Variants in RANBP3 observed in about 807,000 individuals in gnomAD.
RANBP3 encodes ran-binding protein 3.
In RANBP3, 14 loss-of-function variants were observed where a neutral mutation model predicts 77.3. The observed-to-expected ratio is 0.18, with a 90% CI of 0.12 to 0.28. The LOEUF is 0.28. Ranked by LOEUF, RANBP3 falls within the 10% of genes least tolerant of loss-of-function variation. The probability of loss-of-function intolerance (pLI) is 1.00; values close to 1 mark genes in which losing one functional copy is unlikely to be tolerated. For missense variants in RANBP3, 586 were observed against 752.3 expected (o/e 0.78, Z 2.59); for synonymous variants, 315 against 312.4 (o/e 1.01, Z -0.09).
At position 5,964,167 on chromosome 19, in the gene RANBP3, TGTCCTG is replaced by T. The variant is rs2058436523; in HGVS notation, c.23-6200_23-6195del. 2.0e-5 allele frequency among the ~76,000 whole-genome samples: 3 copies of T among 152,316 alleles called. No individual in the cohort carries two copies. The South Asian group carries it at 6.2e-4, about 32-fold the overall frequency. ...CTGGGATTCCCCAGGACAGGGCCGGTGTCCTGGTCCTGGTCTTTGCAGCCCCAGCGA... is the reference window on the plus strand; with the variant it reads ...CTGGGATTCCCCAGGACAGGGCCGGTGTCCTGGTCTTTGCAGCCCCAGCGA... On this transcript the variant is annotated intron_variant, in intron 1 of 16. Coordinates refer to ENST00000340578, the MANE Select transcript of RANBP3 (RefSeq NM_007322.3).
chr19:5,951,251 A>G (rs1450145429), intron 3 of RANBP3, 142 bp downstream of exon 3: 1 of 834,216 alleles, frequency 1.2e-6, no homozygotes, highest in Non-Finnish European at 2.0e-6. Context: ...AGCGAGCTGG[A>G]AGAAATCCTT....
At chr19:5,950,628 C>T (rs1448622047) in intron 3 of RANBP3, 1 of 152,180 alleles carries the variant, frequency 6.6e-6, no homozygotes, top group Non-Finnish European at 1.5e-5. Flanking sequence ...TGTTAAGAGT[C>T]CTTTTTCCCT....
At chr19:5,977,129 C>T (rs2058601716) in intron 1 of RANBP3, among the ~76,000 whole-genome samples, 1 of 152,204 alleles carries the variant, frequency 6.6e-6, no homozygotes. Flanking sequence ...GAAAACCCTC[C>T]AGTCACAGGG....
At position 5,974,168 on chromosome 19, in the gene RANBP3, G is replaced by A. The variant is rs116702281; in HGVS notation, c.22+3893C>T. ...ACCGTGCTGCTAAGGATCCTGCAAC[G>A]CACAGGACAGCCCCTCCCGCCAAAG... is the stretch of plus-strand genomic sequence containing the variant. On this transcript the variant is annotated intron_variant, in intron 1 of 16. Coordinates refer to ENST00000340578, the MANE Select transcript of RANBP3 (RefSeq NM_007322.3). Among the ~76,000 whole-genome samples, 74 of 152,232 alleles carry A rather than the reference G, an allele frequency of 4.9e-4. 1 individual carries two copies. The highest frequency in any genetic ancestry group is 1.7e-3 in the African/African-American group (71 of 41,528).
chr19:5,918,493 C>A lies in RANBP3; in HGVS notation c.1473+3G>T. On this transcript the variant is annotated splice_donor_region_variant and intron_variant, in intron 15 of 16. Coordinates refer to ENST00000340578, the MANE Select transcript of RANBP3 (RefSeq NM_007322.3). ...CCCAGATGCACCCGCGTGGCTGGCTCACCGAGATCAGGAAGACCTTCACGC... is the reference window on the plus strand; with the variant it reads ...CCCAGATGCACCCGCGTGGCTGGCTAACCGAGATCAGGAAGACCTTCACGC... 1 of 1,605,032 alleles carries A rather than the reference C, an allele frequency of 6.2e-7. No individual in the cohort carries two copies. Among genetic ancestry groups the A allele is most frequent in the Non-Finnish European group, 8.5e-7 (1 of 1,175,764 alleles).
chr19:5,955,459 G>GT (rs1163971016), intron 2 of RANBP3, among the ~76,000 whole-genome samples: 1 of 152,148 alleles, frequency 6.6e-6, no homozygotes, highest in Non-Finnish European at 1.5e-5. Context: ...ACTCCAACAT[G>GT]TTTATGTAAT....
intron 5 of RANBP3, among the ~76,000 whole-genome samples, chr19:5,937,546 G>A (rs2058082724): frequency 1.3e-5 from 2 of 152,206 alleles, no homozygotes; most frequent in Non-Finnish European, 2.9e-5. Flanking sequence ...TCATGGAGCT[G>A]ACTGGAGAAA....
intron 1 of RANBP3, among the ~76,000 whole-genome samples, chr19:5,971,015 G>C (rs2058524012): frequency 6.6e-6 from 1 of 152,080 alleles, no homozygotes; most frequent in Non-Finnish European, 1.5e-5. Flanking sequence ...AACCCACACT[G>C]TACACTGAGG....
intron 3 of RANBP3, among the ~76,000 whole-genome samples, 181 bp from the exon 4 acceptor site, chr19:5,942,016 C>CA (rs1333203329): frequency 1.3e-5 from 2 of 152,218 alleles, no homozygotes; most frequent in Non-Finnish European, 2.9e-5. Flanking sequence ...TGAACCTCTG[C>CA]ACCCAGCTTC....
intron 12 of RANBP3, 44 bp from the exon 13 acceptor site, chr19:5,923,347 G>C (rs1463401365): frequency 6.4e-7 from 1 of 1,572,420 alleles, no homozygotes; most frequent in Non-Finnish European, 8.8e-7. Flanking sequence ...TATTTGGCGA[G>C]AGGAGAGCCA....
At chr19:5,926,120 G>A (rs977511320) in intron 9 of RANBP3, among the ~76,000 whole-genome samples, 3 of 152,118 alleles carry the variant, frequency 2.0e-5, no homozygotes, top group African/African-American at 7.2e-5. Context: ...AATTTCTTGA[G>A]GGCCTCTTTC....
intron 1 of RANBP3, chr19:5,976,399 G>A (rs2058591247): frequency 6.6e-6 from 1 of 152,150 alleles, no homozygotes; most frequent in Non-Finnish European, 1.5e-5. Context: ...TCTGTAACTA[G>A]ATCTCATGAG....
At chr19:5,977,511 T>TG (rs544528403) in intron 1 of RANBP3, among the ~76,000 whole-genome samples, 108 of 140,174 alleles carry the variant, frequency 7.7e-4, no homozygotes, top group Admixed American at 3.4e-3. Context: ...TGGCGGGAAG[T>TG]GGGGGCCGAA....
At chr19:5,938,952 A>T (rs986111602) in intron 5 of RANBP3, among the ~76,000 whole-genome samples, 4 of 152,072 alleles carry the variant, frequency 2.6e-5, no homozygotes, top group Non-Finnish European at 5.9e-5. Context: ...TGGGAGGCCG[A>T]GACAGGTGCA....
chr19:5,943,468 T>C (rs1241166653), intron 3 of RANBP3, among the ~76,000 whole-genome samples: 2 of 152,256 alleles, frequency 1.3e-5, no homozygotes, highest in Non-Finnish European at 2.9e-5. Context: ...TTCTTGTTTT[T>C]GCTTTTATAA....
intron 3 of RANBP3, among the ~76,000 whole-genome samples, chr19:5,942,241 A>G (rs1005019576): frequency 7.9e-5 from 12 of 152,130 alleles, no homozygotes; most frequent in African/African-American, 2.4e-4. Flanking sequence ...TGGTCACATC[A>G]CACCGGATAG....
intron 2 of RANBP3, among the ~76,000 whole-genome samples, chr19:5,954,991 C>T (rs935993014): frequency 5.3e-5 from 8 of 152,228 alleles, no homozygotes; most frequent in East Asian, 1.9e-4. Flanking sequence ...TCTTCAGCGA[C>T]GGTGCCACAG....
chr19:5,923,416 C>T, intron 12 of RANBP3, 113 bp from the exon 13 acceptor site: 2 of 1,060,892 alleles, frequency 1.9e-6, no homozygotes, highest in Non-Finnish European at 2.8e-6. Flanking sequence ...ACGCCTGCTG[C>T]CCCTGGCAGG....
rs1270158366 is a variant in RANBP3, at chr19:5,918,721, G to A, written c.1331-83C>T. The A allele has an allele frequency of 2.0e-6, 3 of 1,513,586 alleles. No individual in the cohort carries two copies. The Admixed American group carries it at 5.6e-5, about 28-fold the overall frequency. 93.8% of individuals were successfully genotyped at this position (1,513,586 alleles called of 1,614,324 possible). On this transcript the variant is annotated intron_variant, in intron 14 of 16. Coordinates refer to ENST00000340578, the MANE Select transcript of RANBP3 (RefSeq NM_007322.3). Reference sequence around the variant, plus strand: ...CAGCTCCAAGAGCCAACACAGTCCAGATGGAAAGCGACATCACCGCGCAAA... The same window carrying A: ...CAGCTCCAAGAGCCAACACAGTCCAAATGGAAAGCGACATCACCGCGCAAA...
Sources: gnomAD v4.1 joint callset for allele counts (sites outside exome capture counted in the v4.1 genomes callset) on GRCh38, gnomAD v4.1.1 for gene constraint, MANE v1.5 for transcripts, NCBI Gene and HGNC (gene_info 2026-07-23, HGNC 2026-07-21) for gene names.